Variants in LYST observed in about 807,000 individuals in gnomAD.
LYST encodes the protein lysosomal trafficking regulator, also known as lysosomal-trafficking regulator.
LYST carries 192 observed loss-of-function variants against 413.6 expected under a neutral mutation model. The ratio of observed to expected loss-of-function variants is 0.46; its 90% CI spans 0.41 to 0.52. LYST has a LOEUF of 0.52. Ranked by LOEUF, LYST falls within the 20% of genes least tolerant of loss-of-function variation. The pLI, the probability that LYST is intolerant of heterozygous loss-of-function variation, is 0.00. For synonymous variants in LYST, 1,525 were observed against 1,567.3 expected (o/e 0.97, Z 0.64); for missense variants, 3,815 against 4,499.9 (o/e 0.85, Z 4.35).
At chr1:235,782,113 A>G (rs1483501843) in intron 14 of LYST, 26 bp from the exon 15 acceptor site, 2 of 1,592,834 alleles carry the variant, frequency 1.3e-6, no homozygotes, top group South Asian at 2.2e-5. Flanking sequence ...AACAAAGTTA[A>G]AGCAATGACT....
chr1:235,744,036 G>T lies in LYST; in HGVS notation c.8094C>A (p.Phe2698Leu), dbSNP rs755227090. The T allele has an allele frequency of 6.4e-7, 1 of 1,573,854 alleles. No individual in the cohort carries two copies. Among genetic ancestry groups the T allele is most frequent in the Non-Finnish European group, 8.7e-7 (1 of 1,144,462 alleles). The change falls in exon 30 of 53, where the codon TTC (phenylalanine) becomes TTA (leucine). Residue 2698 changes from phenylalanine (F) to leucine (L), a missense_variant. By Grantham distance (22) the Phe-to-Leu change is conservative. Transcript: ENST00000389793. ...ENIHHEQSSV[F>L]NPFQKEIFTY... ...TAAAAATTTCTTTCTGAAATGGATT[G>T]AAAACAGAAGACTGTTCATGATGAA...
chr1:235,806,563 A>C lies in LYST; in HGVS notation c.2573T>G (p.Phe858Cys). 1 of 1,614,106 alleles carries C rather than the reference A, an allele frequency of 6.2e-7. No homozygotes were observed. The highest frequency in any genetic ancestry group is 2.2e-5 in the East Asian group (1 of 44,874). The change falls in exon 6 of 53, where the codon TTT (phenylalanine) becomes TGT (cysteine). Residue 858 changes from phenylalanine to cysteine, a missense_variant. Transcript: ENST00000389793. ...ATCTGAATAAGCTTGCTGATGATGAAAAGAAGTACCCACATGTACAGAGGA... is the reference window on the plus strand; with the variant it reads ...ATCTGAATAAGCTTGCTGATGATGACAAGAAGTACCCACATGTACAGAGGA... Reference protein sequence around the residue: ...ELSSVHVGTSFHHQQAYSDSP... With the variant: ...ELSSVHVGTSCHHQQAYSDSP...
At chr1:235,877,278 T>G (rs911917657) in intron 1 of LYST, among the ~76,000 whole-genome samples, 12 of 152,124 alleles carry the variant, frequency 7.9e-5, no homozygotes, top group African/African-American at 2.9e-4. Context: ...CTCTACCAGG[T>G]GTTTGCTGGA....
chr1:235,700,807 C>T (rs536717522), intron 45 of LYST, among the ~76,000 whole-genome samples: 118 of 152,280 alleles, frequency 7.7e-4, no homozygotes, highest in African/African-American at 2.8e-3. Context: ...ATGCCCAGGA[C>T]CTTCCTAGGA....
intron 38 of LYST, among the ~76,000 whole-genome samples, chr1:235,727,707 T>C (rs1159115923): frequency 6.6e-6 from 1 of 152,200 alleles, no homozygotes; most frequent in African/African-American, 2.4e-5. Flanking sequence ...AGTTATTCAA[T>C]TATTTAATAT....
chr1:235,705,532 T>G (rs903556735), intron 44 of LYST, among the ~76,000 whole-genome samples: 8 of 151,224 alleles, frequency 5.3e-5, no homozygotes, highest in Admixed American at 6.6e-5. Context: ...ATTACAGGAG[T>G]GTGCCACCAT....
chr1:235,669,053 G>T (rs1658719052), intron 50 of LYST, among the ~76,000 whole-genome samples: 1 of 152,164 alleles, frequency 6.6e-6, no homozygotes. Flanking sequence ...ACCCTAACAG[G>T]TATCTGTGGT....
intron 1 of LYST, among the ~76,000 whole-genome samples, chr1:235,837,599 C>T (rs908933614): frequency 6.7e-5 from 10 of 148,976 alleles, no homozygotes; most frequent in Non-Finnish European, 1.3e-4. Context: ...CGCATACCAG[C>T]CTGGGTAAGA....
At chr1:235,835,234 C>T (rs1676443105) in intron 1 of LYST, among the ~76,000 whole-genome samples, 1 of 151,836 alleles carries the variant, frequency 6.6e-6, no homozygotes, top group South Asian at 2.1e-4. Context: ...ATATTTTTAA[C>T]TTTAAAATTA....
chr1:235,807,632 T>G (rs1673011686), intron 5 of LYST, among the ~76,000 whole-genome samples: 1 of 152,116 alleles, frequency 6.6e-6, no homozygotes, highest in African/African-American at 2.4e-5. Context: ...ATAGGTTATT[T>G]TTGTATAAGT....
At position 235,809,857 on chromosome 1, in the gene LYST, C is replaced by T. The variant is rs1361872807; in HGVS notation, c.961G>A (p.Ala321Thr). The stretch of plus-strand genomic sequence containing the variant: ...CGAAAGAGCATCCTTTGAATCAAAG[C>T]CACCGGTTCTTCGGTCCAACCTGCA... ...VSAGWTEEPVALIQRMLFRTV... is the reference protein window; with the variant it reads ...VSAGWTEEPVTLIQRMLFRTV... Residue 321 changes from alanine to threonine, a missense_variant, in exon 5 of 53, where the codon GCT becomes ACT. By Grantham distance (58) the Ala-to-Thr change is moderately conservative. Coordinates refer to ENST00000389793, the MANE Select transcript of LYST (RefSeq NM_000081.4). This position sits in a 1 kb window ranked among gnomAD's most constrained non-coding sequence, Gnocchi z 4.0. 1 of 1,613,864 alleles carries T rather than the reference C, an allele frequency of 6.2e-7. No individual in the cohort carries two copies. Among genetic ancestry groups the T allele is most frequent in the African/African-American group, 1.3e-5 (1 of 74,926 alleles).
At chr1:235,775,190 C>A in intron 17 of LYST, 104 bp from the exon 18 acceptor site, 7 of 864,604 alleles carry the variant, frequency 8.1e-6, no homozygotes, top group Non-Finnish European at 1.1e-5. Context: ...TTAGTTTCTA[C>A]AAAGTATTTT....
At chr1:235,738,056 C>T in intron 31 of LYST, 1 of 1,586,950 alleles carries the variant, frequency 6.3e-7, no homozygotes, top group East Asian at 2.2e-5. Context: ...AACAGATCCT[C>T]CAGAATAAGA....
At chr1:235,829,204 CA>C (rs955023123) in intron 3 of LYST, among the ~76,000 whole-genome samples, 1 of 151,430 alleles carries the variant, frequency 6.6e-6, no homozygotes, top group African/African-American at 2.4e-5. Context: ...CTCTGTGTCT[CA>C]AAAAAAACCA....
intron 1 of LYST, among the ~76,000 whole-genome samples, chr1:235,864,574 G>A (rs1330709800): frequency 1.3e-5 from 2 of 152,130 alleles, no homozygotes; most frequent in Non-Finnish European, 2.9e-5. Flanking sequence ...TTCTGCTCCT[G>A]CTCAACCCTT....
chr1:235,847,433 A>G (rs1293847695), intron 1 of LYST, among the ~76,000 whole-genome samples: 2 of 152,356 alleles, frequency 1.3e-5, no homozygotes, highest in African/African-American at 2.4e-5. Flanking sequence ...TCTTCAAAGC[A>G]TAAATCACAC....
intron 41 of LYST, among the ~76,000 whole-genome samples, chr1:235,715,845 T>C (rs1204541688): frequency 6.7e-6 from 1 of 149,102 alleles, no homozygotes; most frequent in Non-Finnish European, 1.5e-5. Context: ...TTTAAGTCTG[T>C]TTTACAGTGC....
chr1:235,866,428 C>A (rs1680527704), intron 1 of LYST, among the ~76,000 whole-genome samples: 1 of 152,200 alleles, frequency 6.6e-6, no homozygotes, highest in South Asian at 2.1e-4. Context: ...ACAGCTTGGG[C>A]CCAGCTGGGC....
At chr1:235,880,905 C>T (rs1377932184) in intron 1 of LYST, among the ~76,000 whole-genome samples, 1 of 152,110 alleles carries the variant, frequency 6.6e-6, no homozygotes, top group South Asian at 2.1e-4. Flanking sequence ...GTGGGTGGAT[C>T]GCCAGAGGTC....
Sources: gnomAD v4.1 joint callset for allele counts (sites outside exome capture counted in the v4.1 genomes callset) on GRCh38, gnomAD v4.1.1 for gene constraint, Gnocchi (gnomAD v3.1) non-coding constraint, MANE v1.5 for transcripts, NCBI Gene and HGNC (gene_info 2026-07-23, HGNC 2026-07-21) for gene names.